The following CAMK2D variants were observed in gnomAD, a reference collection of about 807,000 sequenced individuals.
CAMK2D encodes calcium/calmodulin-dependent protein kinase type II subunit delta.
Under a neutral mutation model 84.0 loss-of-function variants are expected in CAMK2D, and 37 were observed. The ratio of observed to expected loss-of-function variants is 0.44; its 90% CI spans 0.34 to 0.58. The LOEUF (loss-of-function observed/expected upper bound fraction) is 0.58, where lower values mean the gene tolerates loss of function less well. Among genes scored for constraint, CAMK2D ranks in the 20% least tolerant of loss-of-function variants. CAMK2D has a pLI of 0.02. For synonymous variants in CAMK2D, 202 were observed against 212.5 expected, an observed-to-expected ratio of 0.95 and a Z score of 0.43; for missense variants, 448 against 652.5, an observed-to-expected ratio of 0.69 and a Z score of 3.41.
intron 2 of CAMK2D, among the ~76,000 whole-genome samples, chr4:113,752,227 TATATG>T (rs59792567): frequency 0.011 from 1,731 of 151,332 alleles, 30 homozygotes; most frequent in African/African-American, 0.04. Flanking sequence ...AAATTAAATA[TATATG>T]ATATAATTAT....
chr4:113,461,478 C>T (rs905162163), intron 17 of CAMK2D, among the ~76,000 whole-genome samples: 2 of 152,118 alleles, frequency 1.3e-5, no homozygotes, highest in Non-Finnish European at 2.9e-5. Context: ...CAATGGTCTG[C>T]TGCTGTGAAA....
chr4:113,605,751 C>T (rs1436841771), intron 4 of CAMK2D, among the ~76,000 whole-genome samples: 3 of 152,136 alleles, frequency 2.0e-5, no homozygotes, highest in East Asian at 3.8e-4. Context: ...GGAACCACCA[C>T]CCAGGCATGT....
intron 2 of CAMK2D, among the ~76,000 whole-genome samples, chr4:113,688,639 C>G (rs555715357): frequency 6.6e-6 from 1 of 152,142 alleles, no homozygotes; most frequent in Non-Finnish European, 1.5e-5. Flanking sequence ...TCCTATTGCC[C>G]CAACTGATTT....
At chr4:113,751,379 C>G (rs1594135559) in intron 2 of CAMK2D, among the ~76,000 whole-genome samples, 1 of 152,118 alleles carries the variant, frequency 6.6e-6, no homozygotes, top group South Asian at 2.1e-4. Context: ...CTTTATAAAA[C>G]AGAAAATTTT....
intron 16 of CAMK2D, among the ~76,000 whole-genome samples, chr4:113,495,863 TGA>T (rs1274859159): frequency 6.6e-6 from 1 of 151,842 alleles, no homozygotes; most frequent in Non-Finnish European, 1.5e-5. Context: ...TGAGCTGAAG[TGA>T]GATACTGGAA....
chr4:113,758,113 C>T (rs1484948462), intron 2 of CAMK2D, among the ~76,000 whole-genome samples: 1 of 152,096 alleles, frequency 6.6e-6, no homozygotes, highest in Non-Finnish European at 1.5e-5. Context: ...TTAGCAATTC[C>T]TTTTCATTGT....
At chr4:113,526,615 C>G (rs72905994) in intron 8 of CAMK2D, among the ~76,000 whole-genome samples, 3,306 of 152,170 alleles carry the variant, frequency 0.022, 110 homozygotes, top group African/African-American at 0.068. Flanking sequence ...TCACATTTCA[C>G]AGATATGAAA....
In CAMK2D at chr4:113,515,211, T is replaced by A. The variant is rs747119001; in HGVS notation, c.697-20A>T. The A allele has an allele frequency of 2.6e-6, 4 of 1,550,570 alleles. No homozygotes were observed. The African/African-American group carries it at 4.2e-5, about 16-fold the overall frequency. On this transcript the variant is annotated intron_variant, in intron 9 of 20. Transcript: ENST00000511664. ...TGGAAACTTCAAAAATATAAATTTA[T>A]AAAAAGTTTAAAAAATAGACACACT...
chr4:113,595,411 A>G (rs544918140), intron 4 of CAMK2D, among the ~76,000 whole-genome samples: 1 of 151,742 alleles, frequency 6.6e-6, no homozygotes, highest in South Asian at 2.1e-4. Flanking sequence ...CAAAGTAATA[A>G]TAGCAACAAT....
chr4:113,704,880 C>A (rs958374832), intron 2 of CAMK2D, among the ~76,000 whole-genome samples: 2 of 151,832 alleles, frequency 1.3e-5, no homozygotes, highest in African/African-American at 2.4e-5. Flanking sequence ...AACAAGCTGC[C>A]TGAATAAAGT....
At chr4:113,654,313 G>T (rs2099189152) in intron 3 of CAMK2D, among the ~76,000 whole-genome samples, 1 of 151,920 alleles carries the variant, frequency 6.6e-6, no homozygotes, top group Non-Finnish European at 1.5e-5. Context: ...TGCTTTTATA[G>T]AAAGTAAAGG....
chr4:113,521,777 T>C (rs971309553), intron 8 of CAMK2D, among the ~76,000 whole-genome samples: 1 of 152,210 alleles, frequency 6.6e-6, no homozygotes, highest in Admixed American at 6.5e-5. Context: ...CTTTTAGAGA[T>C]ATACTTTAAA....
intron 1 of CAMK2D, among the ~76,000 whole-genome samples, chr4:113,760,168 C>T (rs1353254407): frequency 6.6e-6 from 1 of 152,116 alleles, no homozygotes; most frequent in South Asian, 2.1e-4. Context: ...CGGCTTGGCC[C>T]CTAGGTCCCT....
At chr4:113,526,793 C>T (rs1326373803) in intron 8 of CAMK2D, among the ~76,000 whole-genome samples, 2 of 151,834 alleles carry the variant, frequency 1.3e-5, no homozygotes, top group African/African-American at 4.8e-5. Flanking sequence ...TCTGATAATA[C>T]ATCATAGGTT....
chr4:113,685,243 T>G (rs1353491650), intron 2 of CAMK2D, among the ~76,000 whole-genome samples: 1 of 149,890 alleles, frequency 6.7e-6, no homozygotes, highest in Non-Finnish European at 1.5e-5. Flanking sequence ...AGACTTCTTT[T>G]TTTTTTTTTT....
At chr4:113,754,089 G>A (rs2099623105) in intron 2 of CAMK2D, 1 of 864,766 alleles carries the variant, frequency 1.2e-6, no homozygotes. Context: ...AAAGTGATTT[G>A]AAATATAAAG....
intron 16 of CAMK2D, among the ~76,000 whole-genome samples, chr4:113,483,868 A>G (rs1344399223): frequency 6.6e-6 from 1 of 152,240 alleles, no homozygotes; most frequent in East Asian, 1.9e-4. Context: ...TGGAAGGTGT[A>G]AAGAAAATGC....
At chr4:113,627,426 T>C (rs1317663103) in intron 3 of CAMK2D, among the ~76,000 whole-genome samples, 1 of 152,188 alleles carries the variant, frequency 6.6e-6, no homozygotes, top group Non-Finnish European at 1.5e-5. Context: ...GTTAGTTTCC[T>C]GCAAGCCCCT....
chr4:113,596,219 C>T (rs1019567786), intron 4 of CAMK2D, among the ~76,000 whole-genome samples: 2 of 152,200 alleles, frequency 1.3e-5, no homozygotes, highest in Non-Finnish European at 2.9e-5. Flanking sequence ...AATGCAGTCA[C>T]ATCTGCAGAT....
Sources: gnomAD v4.1 joint callset for allele counts (sites outside exome capture counted in the v4.1 genomes callset) on GRCh38, gnomAD v4.1.1 for gene constraint, MANE v1.5 for transcripts, NCBI Gene and HGNC (gene_info 2026-07-23, HGNC 2026-07-21) for gene names.